The following IFT172 variants were observed in gnomAD, a reference collection of about 807,000 sequenced individuals.
IFT172 encodes intraflagellar transport 172.
In IFT172, 164 loss-of-function variants were observed where a neutral mutation model predicts 248.9. The ratio of observed to expected loss-of-function variants is 0.66; its 90% CI spans 0.58 to 0.75. The LOEUF (loss-of-function observed/expected upper bound fraction) is 0.75, where lower values mean the gene tolerates loss of function less well. Among genes scored for constraint, IFT172 ranks in the 30% least tolerant of loss-of-function variants. The probability of loss-of-function intolerance (pLI) is 0.00; values close to 1 mark genes in which losing one functional copy is unlikely to be tolerated. For missense variants in IFT172, 1,950 were observed against 2,192.4 expected (o/e 0.89, Z 2.21); for synonymous variants, 729 against 791.6 (o/e 0.92, Z 1.33).
At chr2:27,479,657 G>T in intron 9 of IFT172, 53 bp from the exon 10 acceptor site, 1 of 1,129,524 alleles carries the variant, frequency 8.9e-7, no homozygotes, top group South Asian at 1.2e-5. Flanking sequence ...CACTGGCATG[G>T]GGAGAGTATC....
chr2:27,452,898 C>G (rs186898101), intron 35 of IFT172, among the ~76,000 whole-genome samples: 32 of 152,340 alleles, frequency 2.1e-4, no homozygotes, highest in Non-Finnish European at 4.4e-4. Context: ...GTGACACATA[C>G]TGGCCTGGCT....
intron 10 of IFT172, among the ~76,000 whole-genome samples, chr2:27,478,623 A>AT (rs1668135713): frequency 6.6e-6 from 1 of 152,100 alleles, no homozygotes; most frequent in South Asian, 2.1e-4. Context: ...TTATTTTTTG[A>AT]TATGTCTGTG....
At chr2:27,465,224 CA>C in intron 18 of IFT172, 186 bp downstream of exon 18, 1 of 612,654 alleles carries the variant, frequency 1.6e-6, no homozygotes, top group South Asian at 1.9e-5. Context: ...CTGGTCAAGG[CA>C]TACTCTTATA....
Position 27,459,841 on chromosome 2 carries a change from A to G in IFT172, c.2522-12T>C, listed in dbSNP as rs1224100367. Reference sequence around the variant, plus strand: ...AGCCAGCTCTACCGCTGCCAGGGAGAGAAAAGATGCTCAGCCCAGATTTCC... The same window carrying G: ...AGCCAGCTCTACCGCTGCCAGGGAGGGAAAAGATGCTCAGCCCAGATTTCC... On this transcript the variant is annotated splice_polypyrimidine_tract_variant and intron_variant, in intron 23 of 47. Transcript: ENST00000260570. 5 of 1,609,160 alleles carry G rather than the reference A, an allele frequency of 3.1e-6. No homozygotes were observed. The highest frequency in any genetic ancestry group is 4.2e-6 in the Non-Finnish European group (5 of 1,179,952).
Position 27,484,999 on chromosome 2 carries a change from T to TC in IFT172, c.296+18dup, listed in dbSNP as rs1668652758. The TC allele has an allele frequency of 7.4e-7, 1 of 1,346,546 alleles. No individual in the cohort carries two copies. The highest frequency in any genetic ancestry group is 1.7e-5 in the Admixed American group (1 of 58,710). 83.4% of individuals were successfully genotyped at this position (1,346,546 alleles called of 1,614,324 possible). On this transcript the variant is annotated intron_variant, in intron 3 of 47. Transcript: ENST00000260570. ...CCCTTCTTTCCTGGGCCATCCCATC[T>TC]CCCAGTCTCTATCCTCACCAATCTT...
intron 9 of IFT172, 104 bp from the exon 10 acceptor site, chr2:27,479,708 G>C (rs1668220679): frequency 1.2e-6 from 1 of 824,190 alleles, no homozygotes. Flanking sequence ...GTCTAGAGAA[G>C]AGTTGGCAGT....
At chr2:27,473,588 G>C (rs1667747836) in intron 14 of IFT172, among the ~76,000 whole-genome samples, 2 of 151,338 alleles carry the variant, frequency 1.3e-5, no homozygotes, top group African/African-American at 2.4e-5. Context: ...GGGATTACAG[G>C]CGTGAGCCAC....
intron 13 of IFT172, chr2:27,476,996 T>C: frequency 1.7e-6 from 1 of 595,418 alleles, no homozygotes; most frequent in Non-Finnish European, 3.0e-6. Flanking sequence ...GATAATTTTT[T>C]GTATTTTTAG....
At chr2:27,462,539 TAAGAA>T (rs1666760470) in intron 20 of IFT172, among the ~76,000 whole-genome samples, 157 bp downstream of exon 20, 1 of 152,174 alleles carries the variant, frequency 6.6e-6, no homozygotes, top group African/African-American at 2.4e-5. Context: ...AGAAGGAAAT[TAAGAA>T]AAGGGTGAAA....
intron 1 of IFT172, among the ~76,000 whole-genome samples, chr2:27,488,919 G>A (rs1221288819): frequency 6.6e-6 from 1 of 152,236 alleles, no homozygotes; most frequent in Non-Finnish European, 1.5e-5. Flanking sequence ...GCGCACGTCT[G>A]TAATCCCAGC....
chr2:27,458,105 T>A (rs778537562), intron 27 of IFT172, 21 bp downstream of exon 27: 13 of 1,612,876 alleles, frequency 8.1e-6, no homozygotes, highest in Non-Finnish European at 1.1e-5. Context: ...CCTCTACACC[T>A]CCTCTGGGGC....
intron 10 of IFT172, 91 bp downstream of exon 10, chr2:27,479,418 G>T: frequency 1.3e-6 from 1 of 778,512 alleles, no homozygotes. Context: ...GATTAAATTT[G>T]AACTATGGCT....
chr2:27,456,145 A>G (rs1666144132), intron 30 of IFT172, among the ~76,000 whole-genome samples: 1 of 151,890 alleles, frequency 6.6e-6, no homozygotes, highest in African/African-American at 2.4e-5. Context: ...CAGGAGGTGG[A>G]GGTTGCAGTG....
At chr2:27,479,675 A>G in intron 9 of IFT172, 71 bp from the exon 10 acceptor site, 1 of 1,012,420 alleles carries the variant, frequency 9.9e-7, no homozygotes, top group Non-Finnish European at 1.6e-6. Context: ...ATCTAGAGAC[A>G]TCCTCAAAAC....
In IFT172 at chr2:27,447,646, A is replaced by T. The variant is rs368560073; in HGVS notation, c.4540-12T>A. On this transcript the variant is annotated splice_polypyrimidine_tract_variant and intron_variant, in intron 41 of 47. Transcript: ENST00000260570. ...ACCAGGTTTTCACACTAGAGGAGGGAGACAGCACAGCCTGGCTCAGGGGTC... is the reference window on the plus strand; with the variant it reads ...ACCAGGTTTTCACACTAGAGGAGGGTGACAGCACAGCCTGGCTCAGGGGTC... The T allele has an allele frequency of 1.5e-5, 25 of 1,613,938 alleles. No homozygotes were observed. The highest frequency in any genetic ancestry group is 1.8e-5 in the Non-Finnish European group (21 of 1,180,022).
chr2:27,476,669 A>T lies in IFT172; in HGVS notation c.1383T>A (p.Tyr461Ter), dbSNP rs201572769. 6.2e-7 allele frequency: 1 copy of T among 1,606,896 alleles called. No individual in the cohort carries two copies. Among genetic ancestry groups the T allele is most frequent in the East Asian group, 2.2e-5 (1 of 44,838 alleles). ...TAGCAATAGTCTTAATATCAATAAG[A>T]TAAGCCAATTTCTTATTATCTTCTG... ...RGTEDNKKLAYLIDIKTIAIV... is the reference protein window; with the variant it reads ...RGTEDNKKLA Residue 461 changes from tyrosine (Y) to a stop codon, truncating the protein, a stop_gained, in exon 14 of 48, where the codon TAT becomes TAA. Coordinates refer to ENST00000260570, the MANE Select transcript of IFT172 (RefSeq NM_015662.3). LOFTEE classifies it high-confidence loss of function.
rs759962675 is a variant in IFT172 at position 27,485,402 on chromosome 2, T to C, written c.141A>G (p.Gly47=). 1.1e-5 allele frequency: 17 copies of C among 1,614,076 alleles called. No homozygotes were observed. In the South Asian group the frequency reaches 1.9e-4, roughly 18 times the overall value. Residue 47 remains glycine (G), a synonymous_variant, in exon 2 of 48, where the codon GGA becomes GGG. Coordinates refer to ENST00000260570, the MANE Select transcript of IFT172 (RefSeq NM_015662.3). ...TGGTGGAGAATTTATCTCTCCGTTC[T>C]CCATGTTCATCATACAGCAAGACCA... is the stretch of plus-strand genomic sequence containing the variant. ...DRVVLLYDEH[G]ERRDKFSTKP...
intron 14 of IFT172, among the ~76,000 whole-genome samples, chr2:27,473,544 T>C (rs1667743188): frequency 6.6e-6 from 1 of 151,210 alleles, no homozygotes; most frequent in Non-Finnish European, 1.5e-5. Flanking sequence ...TCTCCTGACC[T>C]CGTGATCCGC....
rs779631432 is a variant in IFT172, at chr2:27,458,182, TAGCA to T, written c.2915_2918del (p.Val972AspfsTer23). The stretch of plus-strand genomic sequence containing the variant: ...CCATTTCCTGGGCCTGAGTGATGTA[TAGCA>T]CTGACACATCTTCTGGTCTCATGCA... On this transcript the variant is annotated frameshift_variant, in exon 27 of 48. Transcript: ENST00000260570. LOFTEE classifies it high-confidence loss of function. The T allele has an allele frequency of 6.8e-6, 11 of 1,614,158 alleles. No homozygotes were observed. Among genetic ancestry groups the T allele is most frequent in the Non-Finnish European group, 7.6e-6 (9 of 1,180,018 alleles).
Sources: gnomAD v4.1 joint callset for allele counts (sites outside exome capture counted in the v4.1 genomes callset) on GRCh38, gnomAD v4.1.1 for gene constraint, MANE v1.5 for transcripts, NCBI Gene and HGNC (gene_info 2026-07-23, HGNC 2026-07-21) for gene names.